The following CUEDC1 variants were observed in gnomAD, a reference collection of about 807,000 sequenced individuals.
CUEDC1 encodes the protein CUE domain containing 1.
A neutral mutation model predicts 43.7 loss-of-function variants in CUEDC1; 30 were observed. The ratio of observed to expected loss-of-function variants is 0.69; its 90% confidence interval spans 0.51 to 0.93. The LOEUF is 0.93. Ranked by LOEUF, CUEDC1 falls within the 40% of genes least tolerant of loss-of-function variation. The pLI is 0.00. For missense variants in CUEDC1, 486 were observed against 549.0 expected, an observed-to-expected ratio of 0.89 and a Z score of 1.15; for synonymous variants, 223 against 223.6, an observed-to-expected ratio of 1.00 and a Z score of 0.02.
chr17:57,868,356 G>C, intron 7 of CUEDC1, 113 bp from the exon 8 acceptor site: 2 of 908,994 alleles, frequency 2.2e-6, no homozygotes, highest in Admixed American at 1.9e-5. Context: ...AGAGGGAGCA[G>C]GGGGCAGGCA....
intron 1 of CUEDC1, among the ~76,000 whole-genome samples, chr17:57,935,857 C>T (rs1345159541): frequency 6.6e-6 from 1 of 152,086 alleles, no homozygotes; most frequent in African/African-American, 2.4e-5. Context: ...TTCATCAAGT[C>T]CCCCAAGCTG....
chr17:57,910,105 C>T (rs936865373), intron 1 of CUEDC1, among the ~76,000 whole-genome samples: 1 of 152,178 alleles, frequency 6.6e-6, no homozygotes, highest in African/African-American at 2.4e-5. Flanking sequence ...CCTCCTGCCT[C>T]AGCCTCTTGA....
chr17:57,928,846 G>A (rs900971100), intron 1 of CUEDC1, among the ~76,000 whole-genome samples: 5 of 151,916 alleles, frequency 3.3e-5, no homozygotes, highest in African/African-American at 1.2e-4. Flanking sequence ...GTCAGGTCCT[G>A]TGGGATTAAA....
At chr17:57,883,759 A>G (rs1173286983) in intron 2 of CUEDC1, among the ~76,000 whole-genome samples, 1 of 152,210 alleles carries the variant, frequency 6.6e-6, no homozygotes, top group African/African-American at 2.4e-5. Context: ...AGAAGATATG[A>G]TACATCTAAA....
chr17:57,905,068 G>A (rs1437214911), intron 1 of CUEDC1, among the ~76,000 whole-genome samples: 2 of 152,106 alleles, frequency 1.3e-5, no homozygotes, highest in Non-Finnish European at 2.9e-5. Context: ...AAAAGGTGCT[G>A]GAGAAAGACC....
chr17:57,903,942 A>AC (rs1477756976), intron 1 of CUEDC1, among the ~76,000 whole-genome samples: 1 of 151,546 alleles, frequency 6.6e-6, no homozygotes. Flanking sequence ...TGTTTCAAAA[A>AC]AAAAAAAAAT....
intron 1 of CUEDC1, among the ~76,000 whole-genome samples, chr17:57,929,644 G>C (rs897585350): frequency 2.0e-5 from 3 of 152,144 alleles, no homozygotes; most frequent in South Asian, 4.1e-4. Flanking sequence ...CTAAGGAATA[G>C]AGCATATTGT....
intron 1 of CUEDC1, among the ~76,000 whole-genome samples, chr17:57,939,721 ACAGC>A (rs1160696378): frequency 3.9e-5 from 6 of 151,984 alleles, no homozygotes; most frequent in Non-Finnish European, 7.4e-5. Flanking sequence ...CCAGTGGTAG[ACAGC>A]TGATCCACAC....
rs146779900 is a variant in CUEDC1, at chr17:57,898,863, C to A, written c.-315-12984G>T. On this transcript the variant is annotated intron_variant, in intron 1 of 10. Coordinates refer to ENST00000577830, the MANE Select transcript of CUEDC1 (RefSeq NM_001271875.2). ...TGTGCCCATTCCTGCCCATACCCTGCCCTCCAGCTAAGCTTCCAAGGGTAG... is the reference window on the plus strand; with the variant it reads ...TGTGCCCATTCCTGCCCATACCCTGACCTCCAGCTAAGCTTCCAAGGGTAG... Among the ~76,000 whole-genome samples the A allele has an allele frequency of 3.7e-4, 57 of 152,260 alleles. No homozygotes were observed. In the East Asian group the frequency reaches 0.011, roughly 28 times the overall value.
intron 1 of CUEDC1, among the ~76,000 whole-genome samples, chr17:57,893,349 A>ATGTGTGTGTGTGTGTGTGTG (rs147335365): frequency 7.8e-4 from 115 of 148,356 alleles, no homozygotes; most frequent in Middle Eastern, 3.6e-3. Context: ...CTCTCAGGGT[A>ATGTGTGTGTGTGTGTGTGTG]TGTGTGTGTG....
intron 3 of CUEDC1, among the ~76,000 whole-genome samples, chr17:57,879,028 T>C (rs2144947522): frequency 6.6e-6 from 1 of 152,330 alleles, no homozygotes; most frequent in Non-Finnish European, 1.5e-5. Flanking sequence ...TCCAGGGACC[T>C]TGCAGTCTAC....
intron 1 of CUEDC1, among the ~76,000 whole-genome samples, chr17:57,917,661 A>G (rs2074656460): frequency 6.6e-6 from 1 of 152,212 alleles, no homozygotes; most frequent in Non-Finnish European, 1.5e-5. Context: ...TAAATAACTC[A>G]CCCAAGGTCA....
At chr17:57,873,502 G>T (rs781062887) in intron 4 of CUEDC1, 89 bp downstream of exon 4, 8 of 1,399,268 alleles carry the variant, frequency 5.7e-6, no homozygotes, top group Non-Finnish European at 7.6e-6. Flanking sequence ...TAAACATCAG[G>T]AAGTAAAACT....
chr17:57,938,110 C>T (rs1215963845), intron 1 of CUEDC1, among the ~76,000 whole-genome samples: 1 of 152,170 alleles, frequency 6.6e-6, no homozygotes, highest in Non-Finnish European at 1.5e-5. Flanking sequence ...ACAGGCTGCA[C>T]ACACAGGATC....
intron 10 of CUEDC1, among the ~76,000 whole-genome samples, chr17:57,864,000 C>CAAAAAAAAA (rs71365846): frequency 3.6e-5 from 3 of 82,560 alleles, no homozygotes; most frequent in South Asian, 4.3e-4. Flanking sequence ...GACTCCATCT[C>CAAAAAAAAA]AAAAAAAAAA....
intron 1 of CUEDC1, among the ~76,000 whole-genome samples, chr17:57,934,540 T>C (rs1474849792): frequency 9.6e-6 from 1 of 104,118 alleles, no homozygotes; most frequent in African/African-American, 3.7e-5. Context: ...CTAGGCAATA[T>C]AGCAAGACCC....
chr17:57,917,676 G>C (rs766909959), intron 1 of CUEDC1, among the ~76,000 whole-genome samples: 3 of 152,222 alleles, frequency 2.0e-5, no homozygotes, highest in Non-Finnish European at 4.4e-5. Flanking sequence ...AGGTCACACA[G>C]CGAGTAAGTG....
At chr17:57,872,884 T>G (rs2074056133) in intron 4 of CUEDC1, 29 bp from the exon 5 acceptor site, 2 of 1,597,744 alleles carry the variant, frequency 1.3e-6, no homozygotes, top group South Asian at 2.2e-5. Context: ...ATGTTGAATG[T>G]GTACACACAA....
Position 57,861,903 on chromosome 17 carries a change from CG to C in CUEDC1, c.*1385del, listed in dbSNP as rs1458616559. 1 of 152,088 alleles carries C rather than the reference CG, an allele frequency of 6.6e-6. No homozygotes were observed. Among genetic ancestry groups the C allele is most frequent in the Non-Finnish European group, 1.5e-5 (1 of 68,018 alleles). 9.4% of individuals were successfully genotyped at this position (152,088 alleles called of 1,614,324 possible). A position where few individuals can be genotyped will look rare whatever the true frequency, so the allele number is the denominator to read the frequency against. On this transcript the variant is annotated 3_prime_UTR_variant, in exon 11 of 11. Coordinates refer to ENST00000577830, the MANE Select transcript of CUEDC1 (RefSeq NM_001271875.2). ...CCCCCGAGCCAGCGTCCCGGCCCCGCGCGCGTTTCCAAACTTGGTCACGCTC... is the reference window on the plus strand; with the variant it reads ...CCCCCGAGCCAGCGTCCCGGCCCCGCCGCGTTTCCAAACTTGGTCACGCTC...
Sources: gnomAD v4.1 joint callset for allele counts (sites outside exome capture counted in the v4.1 genomes callset) on GRCh38, gnomAD v4.1.1 for gene constraint, MANE v1.5 for transcripts, NCBI Gene and HGNC (gene_info 2026-07-23, HGNC 2026-07-21) for gene names.